The following TEX9 variants were observed in gnomAD, a reference collection of about 807,000 sequenced individuals.
The protein encoded by TEX9 is testis expressed 9.
TEX9 carries 74 observed loss-of-function variants against 59.6 expected under a neutral mutation model. The ratio of observed to expected loss-of-function variants is 1.24; its 90% CI spans 1.03 to 1.51. The LOEUF is 1.51. Among genes scored for constraint, TEX9 ranks in the 40% most tolerant of loss-of-function variants. The pLI, the probability that TEX9 is intolerant of heterozygous loss-of-function variation, is 0.00. For missense variants in TEX9, 522 were observed against 447.8 expected (o/e 1.17, Z -1.49); for synonymous variants, 186 against 152.2 (o/e 1.22, Z -1.64).
At chr15:56,256,723 A>G (rs1371900752) in intron 1 of TEX9, among the ~76,000 whole-genome samples, 1 of 152,018 alleles carries the variant, frequency 6.6e-6, no homozygotes, top group Non-Finnish European at 1.5e-5. Context: ...TAGATTTTGA[A>G]AAGTTTGAGG....
chr15:56,386,857 A>C (rs1450460957), intron 4 of TEX9, among the ~76,000 whole-genome samples: 1 of 151,956 alleles, frequency 6.6e-6, no homozygotes, highest in Non-Finnish European at 1.5e-5. Flanking sequence ...TTTACCATGT[A>C]AAACATGGCA....
At chr15:56,273,399 T>C (rs1029848419) in intron 1 of TEX9, among the ~76,000 whole-genome samples, 2 of 152,346 alleles carry the variant, frequency 1.3e-5, no homozygotes, top group East Asian at 3.9e-4. Flanking sequence ...CATGTAATGT[T>C]AGAACTTTAC....
intron 9 of TEX9, among the ~76,000 whole-genome samples, chr15:56,408,160 T>G (rs2049167553): frequency 6.6e-6 from 1 of 152,196 alleles, no homozygotes; most frequent in Non-Finnish European, 1.5e-5. Context: ...TTATACTCAG[T>G]GTCTCTATAC....
intron 12 of TEX9, among the ~76,000 whole-genome samples, chr15:56,437,093 A>G (rs1301386792): frequency 1.6e-4 from 24 of 152,150 alleles, no homozygotes; most frequent in Admixed American, 1.4e-3. Context: ...ATCCTCCCTA[A>G]CTCATTTTAT....
At chr15:56,262,804 G>A (rs10152826) in intron 1 of TEX9, among the ~76,000 whole-genome samples, 55,762 of 151,902 alleles carry the variant, frequency 0.37, 10,540 homozygotes, top group Middle Eastern at 0.52. Context: ...TAAAAATTTA[G>A]GATTGTTGTG....
chr15:56,376,620 T>G (rs1224725776), intron 3 of TEX9, among the ~76,000 whole-genome samples: 3 of 152,136 alleles, frequency 2.0e-5, no homozygotes, highest in African/African-American at 7.2e-5. Context: ...ATTAGATTTT[T>G]TTTCCTATAG....
chr15:56,252,005 C>T (rs2044033359), intron 1 of TEX9, among the ~76,000 whole-genome samples: 1 of 152,146 alleles, frequency 6.6e-6, no homozygotes, highest in South Asian at 2.1e-4. Context: ...GTGATTTTCT[C>T]CTCCCCCAGA....
In TEX9 at chr15:56,267,916, A is replaced by G. The variant is rs552798584; in HGVS notation, c.-107+23638A>G. Among the ~76,000 whole-genome samples the G allele has an allele frequency of 2.1e-3, 323 of 152,134 alleles. 2 individuals are homozygous for G. Among genetic ancestry groups the G allele is most frequent in the Non-Finnish European group, 3.6e-3 (248 of 67,988 alleles). On this transcript the variant is annotated intron_variant, in intron 1 of 5. Coordinates refer to the TEX9 transcript ENST00000560827. ...GGCATTGAATCTATAAATTACCTTA[A>G]ACAGTATGGCCATTTTCACGATATT...
At chr15:56,272,602 T>G (rs1000237738) in intron 1 of TEX9, among the ~76,000 whole-genome samples, 39 of 152,210 alleles carry the variant, frequency 2.6e-4, no homozygotes, top group African/African-American at 9.2e-4. Context: ...GAACATATGT[T>G]TTTCCCTTCT....
chr15:56,373,653 A>T (rs1005818337), intron 3 of TEX9, 149 bp downstream of exon 3: 1 of 597,976 alleles, frequency 1.7e-6, no homozygotes, highest in Admixed American at 3.9e-5. Flanking sequence ...ATATATATGC[A>T]TAGGTATAGG....
chr15:56,325,839 A>G (rs924203186), intron 1 of TEX9, among the ~76,000 whole-genome samples: 3 of 152,218 alleles, frequency 2.0e-5, no homozygotes, highest in African/African-American at 7.2e-5. Context: ...ACCAAAATTT[A>G]GTGATTATCC....
chr15:56,311,929 G>C (rs1420124910), intron 1 of TEX9, among the ~76,000 whole-genome samples: 2 of 148,100 alleles, frequency 1.4e-5, no homozygotes, highest in Admixed American at 6.7e-5. Context: ...TTTTTTGGCT[G>C]CATAAATGTC....
chr15:56,456,931 A>G, the TEX9 span, among the ~76,000 whole-genome samples: 2 of 152,184 alleles, frequency 1.3e-5, no homozygotes, highest in Non-Finnish European at 2.9e-5. Flanking sequence ...AATTTTTAAA[A>G]ATATAACAAT....
intron 9 of TEX9, among the ~76,000 whole-genome samples, chr15:56,399,832 C>T (rs915643338): frequency 6.6e-6 from 1 of 152,088 alleles, no homozygotes; most frequent in Non-Finnish European, 1.5e-5. Flanking sequence ...TGGGTGATAC[C>T]CAGGCAAACA....
At chr15:56,404,076 G>A (rs2048942132) in intron 9 of TEX9, among the ~76,000 whole-genome samples, 1 of 152,120 alleles carries the variant, frequency 6.6e-6, no homozygotes. Flanking sequence ...GCATGGGCAA[G>A]GACACTTCAT....
intron 1 of TEX9, among the ~76,000 whole-genome samples, chr15:56,246,239 T>C (rs542640781): frequency 3.2e-3 from 487 of 152,308 alleles, no homozygotes; most frequent in Middle Eastern, 0.01. Flanking sequence ...GCGGCGGTGC[T>C]GACCGGAGTG....
At chr15:56,384,965 T>C (rs1242924102) in intron 4 of TEX9, among the ~76,000 whole-genome samples, 2 of 151,634 alleles carry the variant, frequency 1.3e-5, no homozygotes, top group Non-Finnish European at 2.9e-5. Flanking sequence ...CCATGATTTC[T>C]TTGAAGAGCT....
At chr15:56,402,403 C>T (rs1475728633) in intron 9 of TEX9, among the ~76,000 whole-genome samples, 1 of 152,132 alleles carries the variant, frequency 6.6e-6, no homozygotes, top group Non-Finnish European at 1.5e-5. Context: ...TGGATGAATT[C>T]CTGGACACAT....
intron 9 of TEX9, chr15:56,408,425 AGT>A (rs2049182290): frequency 6.6e-6 from 1 of 152,214 alleles, no homozygotes; most frequent in African/African-American, 2.4e-5. Flanking sequence ...GGCCTTACGT[AGT>A]AGAGTGCCCA....
Sources: gnomAD v4.1 joint callset for allele counts (sites outside exome capture counted in the v4.1 genomes callset) on GRCh38, gnomAD v4.1.1 for gene constraint, MANE v1.5 for transcripts, NCBI Gene and HGNC (gene_info 2026-07-23, HGNC 2026-07-21) for gene names.